Variants in ALDH2 observed in about 807,000 individuals in gnomAD.
ALDH2 encodes aldehyde dehydrogenase 2 family member, also known as aldehyde dehydrogenase, mitochondrial.
A neutral mutation model predicts 59.6 loss-of-function variants in ALDH2; 44 were observed. That is an observed-to-expected ratio of 0.74 (90% CI 0.58 to 0.95). The LOEUF is 0.95. ALDH2 is among the 40% of genes least tolerant of loss of function. The pLI is 0.00. For missense variants in ALDH2, 570 were observed against 696.3 expected (o/e 0.82, Z 2.04); for synonymous variants, 291 against 284.0 (o/e 1.02, Z -0.25).
intron 4 of ALDH2, among the ~76,000 whole-genome samples, chr12:111,787,911 C>T (rs985344603): frequency 1.3e-5 from 2 of 151,824 alleles, no homozygotes; most frequent in African/African-American, 4.8e-5. Context: ...TGGTGGCAGG[C>T]GCCTATAGTC....
intron 10 of ALDH2, 121 bp downstream of exon 10, chr12:111,798,363 C>A: frequency 1.9e-6 from 2 of 1,078,196 alleles, no homozygotes; most frequent in East Asian, 2.7e-5. Flanking sequence ...CAAGTTATAC[C>A]CAGAACCAGT....
chr12:111,771,031 T>G (rs895736702), intron 1 of ALDH2, among the ~76,000 whole-genome samples: 2 of 151,960 alleles, frequency 1.3e-5, no homozygotes, highest in Non-Finnish European at 2.9e-5. Context: ...CTTCCCTCCT[T>G]GGCCTCCCAA....
rs1052496156 is a variant in ALDH2, at chr12:111,815,591, A to G, written c.*6016A>G. ...CTCCTACTGTATCTTCCATGCCAGG[A>G]GTAAGGGTGAGGATACCTGGCAATA... On this transcript the variant is annotated 3_prime_UTR_variant, in exon 13 of 13. Transcript: ENST00000261733. The G allele has an allele frequency of 1.3e-5, 2 of 152,050 alleles. No individual in the cohort carries two copies. The highest frequency in any genetic ancestry group is 4.8e-5 in the African/African-American group (2 of 41,392). 9.4% of individuals were successfully genotyped at this position (152,050 alleles called of 1,614,324 possible). A position where few individuals can be genotyped will look rare whatever the true frequency, so the allele number is the denominator to read the frequency against.
rs149627028 is a variant in ALDH2, at chr12:111,778,088, A to G, written c.115-3830A>G. 1.1e-3 allele frequency among the ~76,000 whole-genome samples: 165 copies of G among 152,244 alleles called. 2 individuals carry two copies. The Middle Eastern group carries it at 0.014, about 13-fold the overall frequency. On this transcript the variant is annotated intron_variant, in intron 1 of 12. Coordinates refer to ENST00000261733, the MANE Select transcript of ALDH2 (RefSeq NM_000690.4). ...TGGGGCACTCTGTTTCCACCCTGCC[A>G]TCGTCATGGCGTTGGGCATTCACTC...
rs1251832605 is a variant in ALDH2 at position 111,813,726 on chromosome 12, T to A, written c.*4151T>A. ...AAGCCAGACACAAAAGGAGAAGGAC[T>A]GTATGATTTCACTTATAGGAAATAT... On this transcript the variant is annotated 3_prime_UTR_variant, in exon 13 of 13. Coordinates refer to ENST00000261733, the MANE Select transcript of ALDH2 (RefSeq NM_000690.4). The A allele has an allele frequency of 6.6e-6, 1 of 152,334 alleles. No individual in the cohort carries two copies. Among genetic ancestry groups the A allele is most frequent in the South Asian group, 2.1e-4 (1 of 4,824 alleles). 9.4% of individuals were successfully genotyped at this position (152,334 alleles called of 1,614,324 possible). A position where few individuals can be genotyped will look rare whatever the true frequency, so the allele number is the denominator to read the frequency against.
chr12:111,782,351 G>A (rs1271960722), intron 2 of ALDH2, among the ~76,000 whole-genome samples: 1 of 152,228 alleles, frequency 6.6e-6, no homozygotes. Context: ...GGTTTGAATT[G>A]TACAGACTGT....
intron 12 of ALDH2, among the ~76,000 whole-genome samples, chr12:111,809,228 C>T (rs762140584): frequency 5.3e-5 from 8 of 152,094 alleles, no homozygotes; most frequent in Admixed American, 1.3e-4. Context: ...CCCAGACAGG[C>T]GGAACGCTTG....
chr12:111,804,004 C>G, intron 12 of ALDH2, 31 bp downstream of exon 12: 1 of 1,539,214 alleles, frequency 6.5e-7, no homozygotes, highest in Non-Finnish European at 8.9e-7. Flanking sequence ...GGGCTCAGGG[C>G]CTGTTGGGGC....
chr12:111,799,837 G>T (rs1452029255), intron 10 of ALDH2, 69 bp from the exon 11 acceptor site: 1 of 1,546,356 alleles, frequency 6.5e-7, no homozygotes, highest in Admixed American at 1.7e-5. Flanking sequence ...CATCTGTTCT[G>T]CTCTGAGAGA....
At chr12:111,794,570 G>A (rs1208201323) in intron 9 of ALDH2, among the ~76,000 whole-genome samples, 4 of 152,144 alleles carry the variant, frequency 2.6e-5, no homozygotes, top group Non-Finnish European at 4.4e-5. Flanking sequence ...GCAGTGGTGT[G>A]ATCATGGCTC....
intron 9 of ALDH2, among the ~76,000 whole-genome samples, chr12:111,794,051 G>T (rs1250731376): frequency 8.2e-6 from 1 of 122,098 alleles, no homozygotes; most frequent in Non-Finnish European, 1.6e-5. Flanking sequence ...ACAGAGTCTC[G>T]CTCCGTCACC....
At chr12:111,771,709 A>T (rs1362673258) in intron 1 of ALDH2, among the ~76,000 whole-genome samples, 2 of 152,190 alleles carry the variant, frequency 1.3e-5, no homozygotes. Context: ...TGGAAGGAAA[A>T]TTCTCCTTGG....
At chr12:111,768,826 A>G (rs146486622) in intron 1 of ALDH2, among the ~76,000 whole-genome samples, 3 of 151,824 alleles carry the variant, frequency 2.0e-5, no homozygotes, top group Non-Finnish European at 4.4e-5. Flanking sequence ...TCTCTACTAA[A>G]AAAGTAAATT....
At chr12:111,809,386 C>A (rs769761952) in intron 12 of ALDH2, among the ~76,000 whole-genome samples, 157 bp from the exon 13 acceptor site, 5 of 152,174 alleles carry the variant, frequency 3.3e-5, no homozygotes, top group Admixed American at 2.0e-4. Context: ...GCCAGGAGGT[C>A]AAGGCAGTAG....
intron 12 of ALDH2, 33 bp downstream of exon 12, chr12:111,804,006 T>C: frequency 6.6e-7 from 1 of 1,510,584 alleles, no homozygotes. Flanking sequence ...GCTCAGGGCC[T>C]GTTGGGGCTT....
At chr12:111,783,019 C>A in intron 2 of ALDH2, 139 bp from the exon 3 acceptor site, 2 of 1,088,890 alleles carry the variant, frequency 1.8e-6, no homozygotes, top group Non-Finnish European at 2.6e-6. Context: ...CTCTGCCGGG[C>A]TAGGAGCATT....
chr12:111,789,224 G>A (rs2068336579), intron 4 of ALDH2, among the ~76,000 whole-genome samples: 1 of 150,798 alleles, frequency 6.6e-6, no homozygotes, highest in Non-Finnish European at 1.5e-5. Flanking sequence ...TCACCACCTT[G>A]GCCAGGCTGG....
chr12:111,802,411 CA>C (rs58247934), intron 11 of ALDH2, among the ~76,000 whole-genome samples: 22,316 of 86,604 alleles, frequency 0.26, 2,999 homozygotes, highest in East Asian at 0.82. Context: ...GACTCTGTCT[CA>C]AAAAAAAAAA....
chr12:111,789,990 C>T, intron 5 of ALDH2, 56 bp downstream of exon 5: 1 of 1,535,698 alleles, frequency 6.5e-7, no homozygotes, highest in African/African-American at 1.4e-5. Context: ...GGCAGTCTGC[C>T]AGACTCATTG....
Sources: allele counts gnomAD v4.1 joint callset (sites outside exome capture counted in the v4.1 genomes callset), GRCh38; gene constraint gnomAD v4.1.1; transcripts MANE v1.5; gene names NCBI Gene and HGNC (gene_info 2026-07-23, HGNC 2026-07-21).